EYA1: variants seen among roughly 807,000 people sequenced by gnomAD.
EYA1 encodes the protein EYA transcriptional coactivator and phosphatase 1, also known as protein phosphatase EYA1.
Under a neutral mutation model 82.0 loss-of-function variants are expected in EYA1, and 16 were observed. That is an observed-to-expected ratio of 0.20 (90% CI 0.13 to 0.30). The LOEUF (loss-of-function observed/expected upper bound fraction) is 0.30, where lower values mean the gene tolerates loss of function less well. Ranked by LOEUF, EYA1 falls within the 10% of genes least tolerant of loss-of-function variation. The pLI, the probability that EYA1 is intolerant of heterozygous loss-of-function variation, is 1.00. For missense variants in EYA1, 633 were observed against 730.7 expected (o/e 0.87, Z 1.54); for synonymous variants, 261 against 264.4 (o/e 0.99, Z 0.12).
At chr8:71,468,596 T>C (rs1400201807) in intron 2 of EYA1, among the ~76,000 whole-genome samples, 1 of 152,170 alleles carries the variant, frequency 6.6e-6, no homozygotes, top group Admixed American at 6.5e-5. Context: ...TAGTAAATGT[T>C]ACATATATTT....
intron 12 of EYA1, among the ~76,000 whole-genome samples, chr8:71,239,273 A>G (rs942503935): frequency 2.6e-5 from 4 of 152,140 alleles, no homozygotes; most frequent in African/African-American, 9.7e-5. Context: ...CCCTAAACTG[A>G]GGGTTTTGAT....
intron 2 of EYA1, among the ~76,000 whole-genome samples, chr8:71,376,569 C>T (rs1828383803): frequency 6.6e-6 from 1 of 152,090 alleles, no homozygotes; most frequent in South Asian, 2.1e-4. Flanking sequence ...GGAGTGTAAT[C>T]TGACCAGGGT....
intron 3 of EYA1, among the ~76,000 whole-genome samples, chr8:71,351,040 A>C (rs962879497): frequency 6.6e-6 from 1 of 152,192 alleles, no homozygotes; most frequent in African/African-American, 2.4e-5. Context: ...ATCCTCTCAG[A>C]TTTGATGATC....
intron 3 of EYA1, among the ~76,000 whole-genome samples, chr8:71,353,109 G>C (rs1391824586): frequency 6.6e-6 from 1 of 152,174 alleles, no homozygotes; most frequent in East Asian, 1.9e-4. Flanking sequence ...TTGAATGACT[G>C]TCTTATCTGG....
intron 2 of EYA1, among the ~76,000 whole-genome samples, chr8:71,533,521 A>G (rs1008646941): frequency 6.6e-6 from 1 of 152,214 alleles, no homozygotes; most frequent in Non-Finnish European, 1.5e-5. Context: ...ACTCTTTTCA[A>G]TTCCTTAAGG....
chr8:71,339,538 C>T (rs938312249), intron 3 of EYA1, among the ~76,000 whole-genome samples: 1 of 151,348 alleles, frequency 6.6e-6, no homozygotes. Context: ...CGAGACATAC[C>T]TCATCCCTCA....
chr8:71,247,992 G>A (rs1813309140), intron 11 of EYA1, among the ~76,000 whole-genome samples: 1 of 152,098 alleles, frequency 6.6e-6, no homozygotes. Context: ...TGATACGGTT[G>A]CTTATTTATA....
intron 9 of EYA1, among the ~76,000 whole-genome samples, chr8:71,282,900 G>T (rs568878587): frequency 5.4e-5 from 8 of 149,466 alleles, no homozygotes; most frequent in African/African-American, 2.0e-4. Flanking sequence ...AACTTCACAT[G>T]TGCTAAGCAG....
rs182832356 is a variant in EYA1 at position 71,413,834 on chromosome 8, G to A, written c.34-57323C>T. Among the ~76,000 whole-genome samples, 4 of 152,278 alleles carry A rather than the reference G, an allele frequency of 2.6e-5. No homozygotes were observed. The East Asian group carries it at 7.7e-4, about 29-fold the overall frequency. ...ATTTAGTTAATAACTAGAGCTAAAT[G>A]TCTTACTTCTAAAGGTATGCAGCAA... On this transcript the variant is annotated intron_variant, in intron 2 of 18. Transcript: ENST00000643681.
At position 71,541,774 on chromosome 8, in the gene EYA1, A is replaced by G. The variant is rs541401709; in HGVS notation, c.-72-5926T>C. On this transcript the variant is annotated intron_variant, in intron 1 of 18. Transcript: ENST00000643681. ...CATTTAAAACATAATCTAATTGCAC[A>G]TAGGAAGCTTTGCAATTTTACTAGG... 9.8e-5 allele frequency among the ~76,000 whole-genome samples: 15 copies of G among 152,324 alleles called. No homozygotes were observed. The South Asian group carries it at 2.9e-3, about 29-fold the overall frequency.
chr8:71,384,291 G>C (rs1361684246), intron 2 of EYA1, among the ~76,000 whole-genome samples: 2 of 152,130 alleles, frequency 1.3e-5, no homozygotes, highest in Admixed American at 1.3e-4. Context: ...TAACCTCTCT[G>C]TGTACGTTTC....
intron 7 of EYA1, among the ~76,000 whole-genome samples, chr8:71,307,786 T>A (rs1262962160): frequency 6.6e-6 from 1 of 152,170 alleles, no homozygotes; most frequent in Non-Finnish European, 1.5e-5. Flanking sequence ...GCCGCTAGGA[T>A]GTTAACCTTG....
chr8:71,258,309 G>C (rs1412521950), intron 11 of EYA1, among the ~76,000 whole-genome samples: 2 of 152,224 alleles, frequency 1.3e-5, no homozygotes, highest in Non-Finnish European at 2.9e-5. Context: ...AGGCAGGAGA[G>C]AGGTGTGCAG....
chr8:71,484,358 T>C (rs1810399921), intron 2 of EYA1, among the ~76,000 whole-genome samples: 1 of 152,154 alleles, frequency 6.6e-6, no homozygotes, highest in Non-Finnish European at 1.5e-5. Flanking sequence ...AATTAGTCAA[T>C]GAAAGGGAAA....
At chr8:71,505,361 CTTTT>C (rs1812124225) in intron 2 of EYA1, among the ~76,000 whole-genome samples, 1 of 152,188 alleles carries the variant, frequency 6.6e-6, no homozygotes, top group Non-Finnish European at 1.5e-5. Flanking sequence ...TACTGCCACA[CTTTT>C]CTTTATGTTG....
At chr8:71,378,719 T>C (rs1318638394) in intron 2 of EYA1, among the ~76,000 whole-genome samples, 1 of 152,210 alleles carries the variant, frequency 6.6e-6, no homozygotes, top group African/African-American at 2.4e-5. Context: ...TGGATTGCCT[T>C]GTATATTCTT....
intron 2 of EYA1, among the ~76,000 whole-genome samples, chr8:71,383,256 A>G (rs1295176080): frequency 1.3e-5 from 2 of 152,126 alleles, no homozygotes; most frequent in African/African-American, 2.4e-5. Context: ...CACTTCTGTT[A>G]GAGTGTAAAA....
chr8:71,493,989 C>T (rs988818219), intron 2 of EYA1, among the ~76,000 whole-genome samples: 4 of 119,194 alleles, frequency 3.4e-5, no homozygotes, highest in Non-Finnish European at 6.6e-5. Context: ...CGCCACTGCA[C>T]TCCAGCCTGG....
At position 71,216,739 on chromosome 8, in the gene EYA1, T is replaced by A. The variant is rs1374801818; in HGVS notation, c.1313A>T (p.Tyr438Phe). 1.2e-5 allele frequency: 20 copies of A among 1,614,058 alleles called. No individual in the cohort carries two copies. Among genetic ancestry groups the A allele is most frequent in the Admixed American group, 1.7e-5 (1 of 60,002 alleles). ...GTTGTAGATCTCTTTTACCCGTCTGTAGCGGAAGGCCAACTTTCTCATCCA... is the reference window on the plus strand; with the variant it reads ...GTTGTAGATCTCTTTTACCCGTCTGAAGCGGAAGGCCAACTTTCTCATCCA... ...VDWMRKLAFR[Y>F]RRVKEIYNTY... Residue 438 changes from tyrosine to phenylalanine, a missense_variant, in exon 14 of 18, where the codon TAC becomes TTC. Transcript: ENST00000340726.
Sources: gnomAD v4.1 joint callset for allele counts (sites outside exome capture counted in the v4.1 genomes callset) on GRCh38, gnomAD v4.1.1 for gene constraint, MANE v1.5 for transcripts, NCBI Gene and HGNC (gene_info 2026-07-23, HGNC 2026-07-21) for gene names.